The following GMEB1 variants were observed in gnomAD, a reference collection of about 807,000 sequenced individuals.
GMEB1 encodes glucocorticoid modulatory element-binding protein 1.
In GMEB1, 6 loss-of-function variants were observed where a neutral mutation model predicts 52.4. The observed-to-expected ratio is 0.11, with a 90% confidence interval of 0.06 to 0.23. GMEB1 has a LOEUF of 0.23. Among genes scored for constraint, GMEB1 ranks in the 10% least tolerant of loss-of-function variants. The pLI is 1.00. For synonymous variants in GMEB1, 255 were observed against 244.9 expected (o/e 1.04, Z -0.38); for missense variants, 486 against 685.6 (o/e 0.71, Z 3.25).
In GMEB1 at chr1:28,715,157, C is replaced by T. The variant is rs546832307; in HGVS notation, c.*384C>T. 2.2e-5 allele frequency: 4 copies of T among 185,672 alleles called. No individual in the cohort carries two copies. The South Asian group carries it at 4.4e-4, about 21-fold the overall frequency. The allele number at this position is 185,672 out of a possible 1,614,324, so 11.5% of individuals were successfully genotyped here. A position where few individuals can be genotyped will look rare whatever the true frequency, so the allele number is the denominator to read the frequency against. The stretch of plus-strand genomic sequence containing the variant: ...CAAACTCTGGAACACAGATCTGACA[C>T]TGGAAGGCAACCCACTCGCATGTGG... On this transcript the variant is annotated 3_prime_UTR_variant, in exon 10 of 10. Coordinates refer to ENST00000373816, the MANE Select transcript of GMEB1 (RefSeq NM_001319674.2).
At chr1:28,706,884 C>T (rs897894011) in intron 8 of GMEB1, among the ~76,000 whole-genome samples, 1 of 151,738 alleles carries the variant, frequency 6.6e-6, no homozygotes, top group East Asian at 2.0e-4. Context: ...CCAGGCTCGT[C>T]CTGAATTCCT....
At chr1:28,705,381 A>G (rs1670701089) in intron 8 of GMEB1, among the ~76,000 whole-genome samples, 1 of 151,438 alleles carries the variant, frequency 6.6e-6, no homozygotes, top group African/African-American at 2.4e-5. Flanking sequence ...GTGATAGAGA[A>G]CAAGACTCCA....
intron 5 of GMEB1, among the ~76,000 whole-genome samples, chr1:28,694,224 C>T (rs1245236604): frequency 3.5e-5 from 5 of 142,502 alleles, no homozygotes; most frequent in Admixed American, 2.2e-4. Context: ...CGGAGTCTTG[C>T]TCTGTTGCCA....
At chr1:28,684,607 G>A (rs924629264) in intron 2 of GMEB1, among the ~76,000 whole-genome samples, 7 of 151,222 alleles carry the variant, frequency 4.6e-5, no homozygotes, top group Admixed American at 4.0e-4. Context: ...GATGGAGCTG[G>A]AAGCCATCAT....
intron 2 of GMEB1, among the ~76,000 whole-genome samples, chr1:28,684,089 G>T (rs1669518208): frequency 6.6e-6 from 1 of 151,952 alleles, no homozygotes; most frequent in Non-Finnish European, 1.5e-5. Context: ...CTGCAACCTC[G>T]AATTCCTGGG....
chr1:28,690,203 G>GTTTTTTTTTTTTGTTT lies in GMEB1; in HGVS notation c.211+29_211+30insGTTTTTTTTTTTTTTT. ...AAGGGATTGGTAAGGGTTTTTTTGT[G>GTTTTTTTTTTTTGTTT]TTTTTTTTTTTTTTTTTTTTTGTCA... On this transcript the variant is annotated intron_variant, in intron 3 of 9. Coordinates refer to ENST00000373816, the MANE Select transcript of GMEB1 (RefSeq NM_001319674.2). The GTTTTTTTTTTTTGTTT allele has an allele frequency of 1.9e-6, 1 of 513,944 alleles. No homozygotes were observed. Among genetic ancestry groups the GTTTTTTTTTTTTGTTT allele is most frequent in the Non-Finnish European group, 3.1e-6 (1 of 319,040 alleles). The allele number at this position is 513,944 out of a possible 1,614,324, so 31.8% of individuals were successfully genotyped here.
intron 1 of GMEB1, among the ~76,000 whole-genome samples, chr1:28,677,439 C>T (rs139926103): frequency 1.3e-5 from 2 of 152,124 alleles, no homozygotes; most frequent in Non-Finnish European, 2.9e-5. Context: ...CTTTGCGATC[C>T]GCCTGCCTTG....
chr1:28,675,780 C>G lies in GMEB1; in HGVS notation c.-31+6941C>G, dbSNP rs138612322. On this transcript the variant is annotated intron_variant, in intron 1 of 9. Transcript: ENST00000373816. ...ATTTCACAATGCATACTCCAAAGCC[C>G]CGAACGATCAACTCACTCATCTTGC... 2.7e-3 allele frequency among the ~76,000 whole-genome samples: 405 copies of G among 152,248 alleles called. 2 individuals are homozygous for G. The highest frequency in any genetic ancestry group is 9.5e-3 in the African/African-American group (393 of 41,560).
Position 28,702,519 on chromosome 1 carries a change from T to A in GMEB1, c.680T>A (p.Val227Asp). Reference protein sequence around the residue: ...LEWNSALTAAVTMATEEGVKK... With the variant: ...LEWNSALTAADTMATEEGVKK... ...TGGAACTCAGCTCTCACCGCTGCTG[T>A]CACCATGGCCACGGAGGAGGGTGTA... The change falls in exon 7 of 10, where the codon GTC (valine) becomes GAC (aspartate). Residue 227 changes from valine (V) to aspartate (D), a missense_variant. Physicochemically the swap from Val to Asp is radical, Grantham distance 152. Transcript: ENST00000373816. 1.2e-6 allele frequency: 2 copies of A among 1,613,794 alleles called. No homozygotes were observed. Among genetic ancestry groups the A allele is most frequent in the South Asian group, 2.2e-5 (2 of 91,080 alleles).
chr1:28,696,585 A>G (rs1034700966), intron 5 of GMEB1, among the ~76,000 whole-genome samples: 2 of 152,132 alleles, frequency 1.3e-5, no homozygotes, highest in Non-Finnish European at 2.9e-5. Flanking sequence ...TTATAAGGAC[A>G]TTTTCCAGAG....
rs986786445 is a variant in GMEB1, at chr1:28,695,888, G to A, written c.441-1039G>A. Among the ~76,000 whole-genome samples the A allele has an allele frequency of 6.5e-5, 7 of 107,118 alleles. No homozygotes were observed. In the East Asian group the frequency reaches 9.0e-4, roughly 14 times the overall value. The allele number at this position is 107,118 out of a possible 152,430, so 70.3% of individuals were successfully genotyped here. On this transcript the variant is annotated intron_variant, in intron 5 of 9. Coordinates refer to ENST00000373816, the MANE Select transcript of GMEB1 (RefSeq NM_001319674.2). ...CGGGAGGCGGAGCTTGCAGTGAGCC[G>A]AGATCCCGCCACTGCACTCCAGCCT...
intron 6 of GMEB1, among the ~76,000 whole-genome samples, chr1:28,699,444 T>C (rs1670387559): frequency 6.6e-6 from 1 of 152,154 alleles, no homozygotes; most frequent in African/African-American, 2.4e-5. Context: ...CTCTTTTTTT[T>C]TTTAAGACAG....
chr1:28,695,934 G>A (rs1383489127), intron 5 of GMEB1, among the ~76,000 whole-genome samples: 2 of 51,490 alleles, frequency 3.9e-5, no homozygotes, highest in African/African-American at 9.7e-5. Context: ...GCGAGACTCC[G>A]TCTCAAAAAA....
intron 1 of GMEB1, among the ~76,000 whole-genome samples, chr1:28,675,048 T>C (rs1420379310): frequency 0.011 from 981 of 89,612 alleles, no homozygotes; most frequent in Middle Eastern, 0.029. Context: ...GACGGAGTCT[T>C]GCTCTGTCGT....
chr1:28,683,534 A>G, intron 1 of GMEB1, 49 bp from the exon 2 acceptor site: 1 of 1,458,736 alleles, frequency 6.9e-7, no homozygotes, highest in Non-Finnish European at 9.3e-7. Flanking sequence ...CGGCCTGTTG[A>G]CATCTTTTTA....
Position 28,714,326 on chromosome 1 carries a change from C to T in GMEB1, c.1245C>T (p.Ala415=), listed in dbSNP as rs1671192955. ...QSFSMGNIPV[A]TLSQGSSPVT... ...TTTCCATGGGCAATATTCCAGTGGC[C>T]ACCCTCAGCCAGGGCTCCAGTCCTG... Residue 415 remains alanine (A), a synonymous_variant, in exon 10 of 10, where the codon GCC becomes GCT. Transcript: ENST00000373816. 6.2e-7 allele frequency: 1 copy of T among 1,614,214 alleles called. No homozygotes were observed. The highest frequency in any genetic ancestry group is 8.5e-7 in the Non-Finnish European group (1 of 1,180,038).
intron 1 of GMEB1, among the ~76,000 whole-genome samples, chr1:28,673,176 G>A (rs1265774290): frequency 2.6e-5 from 4 of 152,166 alleles, no homozygotes; most frequent in Admixed American, 2.0e-4. Context: ...TTACAGGTGT[G>A]AGCCACTGCG....
chr1:28,695,214 A>G (rs566205862), intron 5 of GMEB1, among the ~76,000 whole-genome samples: 1 of 150,448 alleles, frequency 6.6e-6, no homozygotes, highest in East Asian at 2.0e-4. Context: ...TGCTCTGCCC[A>G]CCTCACCTCC....
At chr1:28,690,967 C>T (rs1031759651) in intron 3 of GMEB1, among the ~76,000 whole-genome samples, 4 of 148,952 alleles carry the variant, frequency 2.7e-5, no homozygotes, top group African/African-American at 9.9e-5. Context: ...GCAACAAGAG[C>T]GAGACATCAT....
Sources: allele counts gnomAD v4.1 joint callset (sites outside exome capture counted in the v4.1 genomes callset), GRCh38; gene constraint gnomAD v4.1.1; transcripts MANE v1.5; gene names NCBI Gene and HGNC (gene_info 2026-07-23, HGNC 2026-07-21).